Variants in CCDC13 observed in about 807,000 individuals in gnomAD.
The protein encoded by CCDC13 is coiled-coil domain-containing protein 13.
In CCDC13, 70 loss-of-function variants were observed where a neutral mutation model predicts 87.3. The observed-to-expected ratio is 0.80, with a 90% CI of 0.66 to 0.98. CCDC13 has a LOEUF of 0.98. Among genes scored for constraint, CCDC13 ranks in the 50% least tolerant of loss-of-function variants. The pLI is 0.00. For missense variants in CCDC13, 842 were observed against 892.0 expected (o/e 0.94, Z 0.71); for synonymous variants, 317 against 360.3 (o/e 0.88, Z 1.36).
At chr3:42,737,409 A>G (rs987568568) in intron 9 of CCDC13, among the ~76,000 whole-genome samples, 5 of 152,180 alleles carry the variant, frequency 3.3e-5, no homozygotes, top group Non-Finnish European at 7.3e-5. Context: ...CATGATTTAT[A>G]ATCCTTTGGG....
chr3:42,719,951 G>A (rs1377196816), intron 13 of CCDC13, among the ~76,000 whole-genome samples: 7 of 151,956 alleles, frequency 4.6e-5, no homozygotes, highest in Non-Finnish European at 1.0e-4. Flanking sequence ...GTAATTTTTG[G>A]GAAATAGAGT....
At chr3:42,762,822 A>C (rs2125912632) in intron 1 of CCDC13, among the ~76,000 whole-genome samples, 1 of 152,292 alleles carries the variant, frequency 6.6e-6, no homozygotes, top group East Asian at 1.9e-4. Flanking sequence ...GATGGCTCAC[A>C]CCTGTAATCC....
intron 13 of CCDC13, chr3:42,719,386 TC>T (rs60055968): frequency 0.76 from 102,320 of 135,242 alleles, 35,920 homozygotes; most frequent in Admixed American, 0.81. Context: ...TGCTTTCCTC[TC>T]TCTCTCTCTC....
intron 1 of CCDC13, among the ~76,000 whole-genome samples, chr3:42,770,015 C>G (rs1700028145): frequency 1.3e-5 from 2 of 152,392 alleles, no homozygotes; most frequent in South Asian, 4.1e-4. Context: ...TCCGCAGCAC[C>G]TGGTCCCATC....
At chr3:42,753,789 C>G (rs1318857633) in intron 3 of CCDC13, among the ~76,000 whole-genome samples, 1 of 152,164 alleles carries the variant, frequency 6.6e-6, no homozygotes, top group Non-Finnish European at 1.5e-5. Context: ...ATGGCAAGTA[C>G]AGAGGTCTGG....
intron 13 of CCDC13, among the ~76,000 whole-genome samples, chr3:42,717,565 T>C (rs1559637860): frequency 6.6e-6 from 1 of 152,310 alleles, no homozygotes; most frequent in East Asian, 1.9e-4. Context: ...TTGCACAGTA[T>C]TGTTAATGTA....
chr3:42,727,967 G>A (rs935563006), intron 13 of CCDC13, among the ~76,000 whole-genome samples: 1 of 152,132 alleles, frequency 6.6e-6, no homozygotes, highest in African/African-American at 2.4e-5. Context: ...TGGATTAAAC[G>A]ATACTGTTCA....
intron 5 of CCDC13, among the ~76,000 whole-genome samples, chr3:42,747,597 G>A (rs1311004928): frequency 6.6e-6 from 1 of 152,206 alleles, no homozygotes; most frequent in East Asian, 1.9e-4. Flanking sequence ...TGAGCTACCT[G>A]GTTAATAAAG....
intron 9 of CCDC13, among the ~76,000 whole-genome samples, chr3:42,737,726 C>T (rs1410752390): frequency 6.6e-6 from 1 of 152,210 alleles, no homozygotes; most frequent in Non-Finnish European, 1.5e-5. Flanking sequence ...TGAGAAGCGT[C>T]TGTTCATATC....
chr3:42,718,705 T>C (rs1477962419), intron 13 of CCDC13, among the ~76,000 whole-genome samples: 8 of 151,968 alleles, frequency 5.3e-5, no homozygotes, highest in Non-Finnish European at 7.4e-5. Flanking sequence ...GAAGCGACTA[T>C]AGTGAGGAAA....
chr3:42,771,919 A>T (rs972226297), intron 1 of CCDC13, among the ~76,000 whole-genome samples: 6 of 152,172 alleles, frequency 3.9e-5, no homozygotes, highest in African/African-American at 1.2e-4. Flanking sequence ...GGAATACATA[A>T]AGGAACTGTT....
At chr3:42,731,114 T>TA (rs1698817754) in intron 12 of CCDC13, among the ~76,000 whole-genome samples, 2 of 152,136 alleles carry the variant, frequency 1.3e-5, no homozygotes, top group Non-Finnish European at 2.9e-5. Flanking sequence ...GCTTCCCTCT[T>TA]ACCTGCTGGC....
intron 5 of CCDC13, chr3:42,749,799 T>C (rs1173169229): frequency 2.2e-6 from 1 of 451,330 alleles, no homozygotes; most frequent in Non-Finnish European, 4.5e-6. Flanking sequence ...GGGGAGCAGA[T>C]GATGCCAACG....
intron 1 of CCDC13, among the ~76,000 whole-genome samples, chr3:42,759,363 C>T (rs1699782042): frequency 2.0e-5 from 3 of 151,736 alleles, no homozygotes; most frequent in African/African-American, 7.3e-5. Flanking sequence ...CAAATATATT[C>T]ACTTGTGTAA....
chr3:42,740,064 C>T (rs1417957595), intron 8 of CCDC13, among the ~76,000 whole-genome samples: 1 of 152,164 alleles, frequency 6.6e-6, no homozygotes, highest in East Asian at 1.9e-4. Context: ...CTAACCTCAG[C>T]CTGAGACACA....
At chr3:42,756,811 C>T (rs1161789935) in intron 3 of CCDC13, among the ~76,000 whole-genome samples, 1 of 152,134 alleles carries the variant, frequency 6.6e-6, no homozygotes, top group Non-Finnish European at 1.5e-5. Context: ...GCCTATGATG[C>T]TTGCCTGCTG....
intron 3 of CCDC13, among the ~76,000 whole-genome samples, 157 bp from the exon 4 acceptor site, chr3:42,752,874 C>T (rs1344079974): frequency 6.6e-6 from 1 of 152,216 alleles, no homozygotes; most frequent in African/African-American, 2.4e-5. Flanking sequence ...ATATACCTAG[C>T]AGCCCTGGGA....
intron 1 of CCDC13, among the ~76,000 whole-genome samples, chr3:42,765,363 A>C (rs1699907768): frequency 6.6e-6 from 1 of 152,058 alleles, no homozygotes; most frequent in Non-Finnish European, 1.5e-5. Context: ...AGGCCAGTGG[A>C]GATTTGAAAT....
At chr3:42,709,188 G>A in intron 15 of CCDC13, 49 bp from the exon 16 acceptor site, 1 of 1,545,390 alleles carries the variant, frequency 6.5e-7, no homozygotes, top group African/African-American at 1.4e-5. Flanking sequence ...GCACACAGGT[G>A]TGCGTGGGTG....
Sources: allele counts gnomAD v4.1 joint callset (sites outside exome capture counted in the v4.1 genomes callset), GRCh38; gene constraint gnomAD v4.1.1; transcripts MANE v1.5; gene names NCBI Gene and HGNC (gene_info 2026-07-23, HGNC 2026-07-21).